The following SPATS2L variants were observed in gnomAD, a reference collection of about 807,000 sequenced individuals.
The protein encoded by SPATS2L is spermatogenesis associated serine rich 2 like, also known as SPATS2-like protein.
SPATS2L carries 30 observed loss-of-function variants against 59.6 expected under a neutral mutation model. That is an observed-to-expected ratio of 0.50 (90% CI 0.38 to 0.68). The LOEUF (loss-of-function observed/expected upper bound fraction) is 0.68. SPATS2L is among the 30% of genes least tolerant of loss of function. SPATS2L has a pLI of 0.00. For synonymous variants in SPATS2L, 252 were observed against 263.5 expected, an observed-to-expected ratio of 0.96 and a Z score of 0.42; for missense variants, 615 against 700.0, an observed-to-expected ratio of 0.88 and a Z score of 1.37.
intron 3 of SPATS2L, among the ~76,000 whole-genome samples, chr2:200,405,416 T>G (rs1041992334): frequency 2.0e-5 from 3 of 151,630 alleles, no homozygotes; most frequent in Non-Finnish European, 2.9e-5. Context: ...TTTGTACCCC[T>G]GGTGTTAATT....
intron 3 of SPATS2L, 108 bp downstream of exon 3, chr2:200,389,391 A>T (rs2082099828): frequency 1.4e-6 from 1 of 728,856 alleles, no homozygotes; most frequent in Admixed American, 2.7e-5. Flanking sequence ...GTTTTGGGGG[A>T]TACGTAGTAA....
At chr2:200,473,104 T>C (rs1008869854) in intron 12 of SPATS2L, 52 bp downstream of exon 12, 44 of 1,426,716 alleles carry the variant, frequency 3.1e-5, no homozygotes, top group Non-Finnish European at 2.6e-5. Context: ...AAAAACCTGT[T>C]TCCAGAGGAA....
intron 2 of SPATS2L, among the ~76,000 whole-genome samples, chr2:200,382,438 C>T (rs905625368): frequency 6.6e-6 from 1 of 152,216 alleles, no homozygotes; most frequent in African/African-American, 2.4e-5. Flanking sequence ...GGAGTGGTTT[C>T]GCACTGCAGT....
chr2:200,311,183 T>A (rs564107604), intron 1 of SPATS2L, among the ~76,000 whole-genome samples: 1 of 152,340 alleles, frequency 6.6e-6, no homozygotes, highest in African/African-American at 2.4e-5. Context: ...GCCTGACACA[T>A]AGTCATGACC....
chr2:200,407,322 C>T (rs1239547154), intron 3 of SPATS2L, among the ~76,000 whole-genome samples: 3 of 152,184 alleles, frequency 2.0e-5, no homozygotes, highest in Non-Finnish European at 4.4e-5. Context: ...CTGTCTAACT[C>T]CAGCGCTCCT....
intron 2 of SPATS2L, among the ~76,000 whole-genome samples, chr2:200,346,867 T>C (rs554555428): frequency 6.6e-6 from 1 of 152,298 alleles, no homozygotes; most frequent in East Asian, 1.9e-4. Flanking sequence ...AAGAAGAAAT[T>C]AGGATTTTTA....
At chr2:200,344,863 G>A (rs1360708655) in intron 2 of SPATS2L, among the ~76,000 whole-genome samples, 1 of 152,042 alleles carries the variant, frequency 6.6e-6, no homozygotes, top group Non-Finnish European at 1.5e-5. Context: ...GGGCATGTAT[G>A]TCTCCTTTTG....
chr2:200,369,639 G>T (rs894048392), intron 2 of SPATS2L, among the ~76,000 whole-genome samples: 3 of 151,794 alleles, frequency 2.0e-5, no homozygotes, highest in Non-Finnish European at 4.4e-5. Flanking sequence ...TATAAATTAA[G>T]TATAATATAT....
chr2:200,463,656 G>T (rs1397273892), intron 9 of SPATS2L, among the ~76,000 whole-genome samples: 2 of 152,126 alleles, frequency 1.3e-5, no homozygotes, highest in East Asian at 1.9e-4. Context: ...TAGTGCTAGG[G>T]TCTCAAACTT....
intron 8 of SPATS2L, among the ~76,000 whole-genome samples, chr2:200,459,436 T>C (rs186690678): frequency 5.1e-4 from 78 of 152,284 alleles, no homozygotes; most frequent in African/African-American, 1.8e-3. Flanking sequence ...CAAATACTTA[T>C]TATATTGTTT....
intron 12 of SPATS2L, among the ~76,000 whole-genome samples, chr2:200,476,363 C>T (rs1018074872): frequency 1.3e-5 from 2 of 151,858 alleles, no homozygotes; most frequent in South Asian, 4.1e-4. Flanking sequence ...TATTTCTGAA[C>T]TATAAAGATA....
At chr2:200,358,038 A>G (rs1043707530) in intron 2 of SPATS2L, among the ~76,000 whole-genome samples, 4 of 152,192 alleles carry the variant, frequency 2.6e-5, no homozygotes, top group Non-Finnish European at 5.9e-5. Context: ...TTACAGAGTC[A>G]TGTTCTGAAA....
At chr2:200,321,233 G>T (rs2079550810) in intron 1 of SPATS2L, among the ~76,000 whole-genome samples, 1 of 152,106 alleles carries the variant, frequency 6.6e-6, no homozygotes, top group Non-Finnish European at 1.5e-5. Flanking sequence ...AGAAGAATCA[G>T]CATGACATAG....
chr2:200,355,562 G>A (rs563108140), intron 2 of SPATS2L, among the ~76,000 whole-genome samples: 11 of 152,290 alleles, frequency 7.2e-5, no homozygotes, highest in African/African-American at 1.4e-4. Flanking sequence ...TTCCACACAC[G>A]ATTGTTCTTC....
At chr2:200,336,327 A>G (rs1241627045) in intron 2 of SPATS2L, among the ~76,000 whole-genome samples, 1 of 152,186 alleles carries the variant, frequency 6.6e-6, no homozygotes, top group Non-Finnish European at 1.5e-5. Context: ...ATTAGAAAAC[A>G]TTGTATTCAT....
At chr2:200,384,172 A>T (rs1174627893) in intron 2 of SPATS2L, among the ~76,000 whole-genome samples, 1 of 152,188 alleles carries the variant, frequency 6.6e-6, no homozygotes, top group Non-Finnish European at 1.5e-5. Flanking sequence ...CAGAATGTCT[A>T]TTATTTGGGT....
intron 8 of SPATS2L, among the ~76,000 whole-genome samples, chr2:200,448,956 A>G (rs2085252354): frequency 6.6e-6 from 1 of 152,218 alleles, no homozygotes; most frequent in South Asian, 2.1e-4. Context: ...GCACCAGTCC[A>G]ATAAACCGAA....
At chr2:200,399,137 A>G (rs1033037186) in intron 3 of SPATS2L, among the ~76,000 whole-genome samples, 1 of 152,156 alleles carries the variant, frequency 6.6e-6, no homozygotes, top group Non-Finnish European at 1.5e-5. Context: ...GTACAATACA[A>G]TGTTGTTAGT....
At chr2:200,357,180 T>C (rs1299384360) in intron 2 of SPATS2L, among the ~76,000 whole-genome samples, 1 of 152,236 alleles carries the variant, frequency 6.6e-6, no homozygotes, top group Non-Finnish European at 1.5e-5. Flanking sequence ...TTGAATTCTG[T>C]TCATTCCACC....
Sources: gnomAD v4.1 joint callset for allele counts (sites outside exome capture counted in the v4.1 genomes callset) on GRCh38, gnomAD v4.1.1 for gene constraint, MANE v1.5 for transcripts, NCBI Gene and HGNC (gene_info 2026-07-23, HGNC 2026-07-21) for gene names.